HSD11B1: variants seen among roughly 807,000 people sequenced by gnomAD.
HSD11B1 encodes 11-beta-hydroxysteroid dehydrogenase 1.
A neutral mutation model predicts 22.1 loss-of-function variants in HSD11B1; 15 were observed. That is an observed-to-expected ratio of 0.68 (90% CI 0.45 to 1.04). HSD11B1 has a LOEUF of 1.04. Among genes scored for constraint, HSD11B1 ranks in the 50% least tolerant of loss-of-function variants. The pLI is 0.00. For missense variants in HSD11B1, 281 were observed against 357.6 expected, an observed-to-expected ratio of 0.79 and a Z score of 1.73; for synonymous variants, 122 against 125.2, an observed-to-expected ratio of 0.97 and a Z score of 0.17.
chr1:209,731,435 T>C (rs148998150), intron 4 of HSD11B1, among the ~76,000 whole-genome samples: 136 of 152,240 alleles, frequency 8.9e-4, no homozygotes, highest in African/African-American at 3.2e-3. Context: ...ATATGACCCA[T>C]ACTTAGGAGG....
In HSD11B1 at chr1:209,704,969, C is replaced by T. The variant is rs1413772585; in HGVS notation, c.27C>T (p.Leu9=). The stretch of plus-strand genomic sequence containing the variant: ...TGGCTTTTATGAAAAAATATCTCCT[C>T]CCCATTCTGGGGCTCTTCATGGCCT... The part of the protein sequence containing the change: MAFMKKYL[L]PILGLFMAYY... The change falls in exon 1 of 6, where the codon CTC becomes CTT. Residue 9 remains leucine, a synonymous_variant. Coordinates refer to ENST00000367027, the MANE Select transcript of HSD11B1 (RefSeq NM_005525.4). 4.3e-6 allele frequency: 7 copies of T among 1,613,778 alleles called. No homozygotes were observed. The highest frequency in any genetic ancestry group is 5.1e-6 in the Non-Finnish European group (6 of 1,179,830).
chr1:209,691,630 C>T (rs957093375), intron 1 of HSD11B1, among the ~76,000 whole-genome samples: 2 of 152,180 alleles, frequency 1.3e-5, no homozygotes, highest in East Asian at 3.8e-4. Flanking sequence ...TGATTATTAA[C>T]TCCCAGGAAT....
rs2076848439 is a variant in HSD11B1, at chr1:209,705,062, T to C, written c.88+32T>C. 4.5e-6 allele frequency: 7 copies of C among 1,559,018 alleles called. No homozygotes were observed. In the East Asian group the frequency reaches 1.6e-4, roughly 35 times the overall value. ...ACCCATGCGTCTCATTTTGGAGGAA[T>C]AGGTTTAAAAAACACAGGGGTGCTT... On this transcript the variant is annotated intron_variant, in intron 1 of 5. Transcript: ENST00000367027.
upstream of HSD11B1, among the ~76,000 whole-genome samples, chr1:209,704,262 G>A (rs547935062): frequency 1.3e-5 from 2 of 152,210 alleles, no homozygotes; most frequent in South Asian, 4.1e-4. Context: ...ACCAGTCTTG[G>A]ATTTCCCGCC....
At chr1:209,709,853 A>G (rs1486761203) in intron 4 of HSD11B1, among the ~76,000 whole-genome samples, 1 of 152,108 alleles carries the variant, frequency 6.6e-6, no homozygotes, top group East Asian at 1.9e-4. Context: ...TTGATAAACA[A>G]CTAGCAATCT....
chr1:209,709,350 T>C (rs557296801), intron 4 of HSD11B1, among the ~76,000 whole-genome samples: 8 of 152,304 alleles, frequency 5.3e-5, no homozygotes, highest in African/African-American at 1.9e-4. Flanking sequence ...GGGAACCTCC[T>C]TGTAGTCCAC....
At chr1:209,708,788 C>T (rs1189083913) in intron 4 of HSD11B1, among the ~76,000 whole-genome samples, 1 of 152,182 alleles carries the variant, frequency 6.6e-6, no homozygotes, top group Admixed American at 6.5e-5. Context: ...TACTGTTGAG[C>T]CCAAGGACGT....
At chr1:209,699,142 A>T (rs993511279) in intron 1 of HSD11B1, among the ~76,000 whole-genome samples, 1 of 152,158 alleles carries the variant, frequency 6.6e-6, no homozygotes, top group African/African-American at 2.4e-5. Context: ...CTGTTACTGG[A>T]CAAAATTGCA....
intron 4 of HSD11B1, among the ~76,000 whole-genome samples, chr1:209,725,388 G>C (rs142209530): frequency 1.9e-3 from 291 of 152,152 alleles, no homozygotes; most frequent in African/African-American, 6.8e-3. Context: ...CCACCTCCCT[G>C]GTCCTTCATG....
intron 4 of HSD11B1, among the ~76,000 whole-genome samples, chr1:209,713,428 A>G (rs2076910865): frequency 6.6e-6 from 1 of 152,198 alleles, no homozygotes; most frequent in South Asian, 2.1e-4. Flanking sequence ...TCATAGAAAC[A>G]TTTCAATAAG....
chr1:209,688,030 A>C (rs1172265615), intron 1 of HSD11B1, among the ~76,000 whole-genome samples: 2 of 152,180 alleles, frequency 1.3e-5, no homozygotes, highest in Admixed American at 6.5e-5. Flanking sequence ...GCTCAAATGC[A>C]CAGAGGGAAT....
rs187660970 is a variant in HSD11B1, at chr1:209,720,137, G to T, written c.518-12299G>T. ...AGATAGTTTTTTTTAAGTACCACCC[G>T]AAAAACAAACTTACTGATTATGACA... On this transcript the variant is annotated intron_variant, in intron 4 of 5. Transcript: ENST00000367027. 9.2e-5 allele frequency among the ~76,000 whole-genome samples: 14 copies of T among 151,902 alleles called. No homozygotes were observed. The East Asian group carries it at 2.5e-3, about 28-fold the overall frequency.
At chr1:209,692,506 G>A (rs1272775501) in intron 1 of HSD11B1, among the ~76,000 whole-genome samples, 1 of 150,684 alleles carries the variant, frequency 6.6e-6, no homozygotes, top group Non-Finnish European at 1.5e-5. Context: ...AAAGGAAACA[G>A]GATTATTTCT....
intron 4 of HSD11B1, chr1:209,724,004 G>A (rs780178620): frequency 1.3e-5 from 2 of 152,244 alleles, no homozygotes; most frequent in Non-Finnish European, 2.9e-5. Context: ...TGGGAATACA[G>A]TGGGAATACA....
chr1:209,734,230 TTGA>T (rs2077053174), intron 5 of HSD11B1, 71 bp from the exon 6 acceptor site: 5 of 1,192,422 alleles, frequency 4.2e-6, no homozygotes, highest in Non-Finnish European at 6.1e-6. Flanking sequence ...AGCTAAGTGG[TTGA>T]TGTCTCCAGG....
chr1:209,721,909 G>A (rs1457883938), intron 4 of HSD11B1, among the ~76,000 whole-genome samples: 4 of 152,180 alleles, frequency 2.6e-5, no homozygotes, highest in Non-Finnish European at 4.4e-5. Context: ...CTGAACTCCA[G>A]GGGACATATT....
At chr1:209,722,985 C>T (rs1327789293) in intron 4 of HSD11B1, among the ~76,000 whole-genome samples, 1 of 152,186 alleles carries the variant, frequency 6.6e-6, no homozygotes, top group African/African-American at 2.4e-5. Flanking sequence ...TAATAAGCCT[C>T]AGTGCATGGC....
chr1:209,698,626 C>T (rs1157267038), intron 1 of HSD11B1, among the ~76,000 whole-genome samples: 2 of 152,208 alleles, frequency 1.3e-5, no homozygotes, highest in Non-Finnish European at 2.9e-5. Context: ...TCTTACATGG[C>T]CCCCTCTCTC....
intron 1 of HSD11B1, among the ~76,000 whole-genome samples, chr1:209,689,307 G>A (rs2076745682): frequency 6.6e-6 from 1 of 152,110 alleles, no homozygotes; most frequent in South Asian, 2.1e-4. Flanking sequence ...CAACCAAAGA[G>A]ACAAACACTA....
Sources: allele counts gnomAD v4.1 joint callset (sites outside exome capture counted in the v4.1 genomes callset), GRCh38; gene constraint gnomAD v4.1.1; transcripts MANE v1.5; gene names NCBI Gene and HGNC (gene_info 2026-07-23, HGNC 2026-07-21).